The following SLC40A1 variants were observed in gnomAD, a reference collection of about 807,000 sequenced individuals.
SLC40A1 encodes the protein ferroportin.
Under a neutral mutation model 53.5 loss-of-function variants are expected in SLC40A1, and 16 were observed. The observed-to-expected ratio is 0.30, with a 90% CI of 0.20 to 0.45. The LOEUF is 0.45. Among genes scored for constraint, SLC40A1 ranks in the 20% least tolerant of loss-of-function variants. The pLI is 1.00. For synonymous variants in SLC40A1, 247 were observed against 253.2 expected, an observed-to-expected ratio of 0.98 and a Z score of 0.23; for missense variants, 545 against 695.4, an observed-to-expected ratio of 0.78 and a Z score of 2.43.
At chr2:189,564,711 A>G (rs565471143) in intron 6 of SLC40A1, among the ~76,000 whole-genome samples, 2 of 152,132 alleles carry the variant, frequency 1.3e-5, no homozygotes, top group African/African-American at 4.8e-5. Flanking sequence ...GTGGTGGTGG[A>G]TGCCTGCAAT....
intron 2 of SLC40A1, 102 bp from the exon 3 acceptor site, chr2:189,575,422 T>G: frequency 6.5e-6 from 7 of 1,075,162 alleles, no homozygotes; most frequent in Non-Finnish European, 9.9e-6. Flanking sequence ...CCTGGCTACA[T>G]TATGAGACTT....
At chr2:189,579,745 A>T in intron 2 of SLC40A1, 68 bp downstream of exon 2, 1 of 1,398,016 alleles carries the variant, frequency 7.2e-7, no homozygotes, top group South Asian at 1.2e-5. Context: ...GGCTTAATAC[A>T]ACTGGCTAGA....
At chr2:189,568,899 T>C (rs2031035774) in intron 5 of SLC40A1, among the ~76,000 whole-genome samples, 1 of 151,622 alleles carries the variant, frequency 6.6e-6, no homozygotes, top group Non-Finnish European at 1.5e-5. Context: ...TCAAAAGAAA[T>C]GGAGGAGGAA....
chr2:189,568,744 G>T (rs1373977547), intron 5 of SLC40A1, among the ~76,000 whole-genome samples: 1 of 152,126 alleles, frequency 6.6e-6, no homozygotes, highest in Non-Finnish European at 1.5e-5. Flanking sequence ...TAGCAGTTTT[G>T]TCTACTTCAT....
chr2:189,580,770 C>CT lies in SLC40A1; in HGVS notation c.-311_-310insA. On this transcript the variant is annotated 5_prime_UTR_variant, in exon 1 of 8. Transcript: ENST00000261024. ...AGCGGACGCCCTGAGCCAGCTCTCT[C>CT]CGCCGCCGCCGCCGCCGCCGTGGGC... 3.1e-6 allele frequency: 3 copies of CT among 979,886 alleles called. No homozygotes were observed. The highest frequency in any genetic ancestry group is 2.5e-6 in the Non-Finnish European group (2 of 791,630). 60.7% of individuals were successfully genotyped at this position (979,886 alleles called of 1,614,324 possible).
At chr2:189,566,637 A>G (rs907139703) in intron 5 of SLC40A1, among the ~76,000 whole-genome samples, 2 of 152,232 alleles carry the variant, frequency 1.3e-5, no homozygotes, top group Admixed American at 6.5e-5. Flanking sequence ...AACACAATTC[A>G]TCAATAGTAA....
intron 3 of SLC40A1, among the ~76,000 whole-genome samples, chr2:189,573,762 T>C (rs1284443030): frequency 6.6e-6 from 1 of 152,218 alleles, no homozygotes. Context: ...TGAAGTTCTA[T>C]ATGTAAGGGA....
rs184074232 is a variant in SLC40A1 at position 189,571,521 on chromosome 2, A to G, written c.514+194T>C. On this transcript the variant is annotated intron_variant, in intron 5 of 7. Coordinates refer to ENST00000261024, the MANE Select transcript of SLC40A1 (RefSeq NM_014585.6). ...GGATAAAAGAGAAGTTAGCTATCCT[A>G]TAAGTTAACTTCGTAACAGTGAGAT... Among the ~76,000 whole-genome samples the G allele has an allele frequency of 2.3e-3, 348 of 152,270 alleles. 1 individual carries two copies. The highest frequency in any genetic ancestry group is 7.9e-3 in the African/African-American group (328 of 41,576).
Position 189,561,645 on chromosome 2 carries a change from T to G in SLC40A1, c.*233A>C. On this transcript the variant is annotated 3_prime_UTR_variant, in exon 8 of 8. Transcript: ENST00000261024. ...GGAATTCAGTGTTATCATTATAGTC[T>G]CCGTATTTAAACTGAGTTTTTCTTT... The G allele has an allele frequency of 1.9e-6, 1 of 518,012 alleles. No individual in the cohort carries two copies. Among genetic ancestry groups the G allele is most frequent in the Non-Finnish European group, 3.5e-6 (1 of 287,554 alleles). The allele number at this position is 518,012 out of a possible 1,614,324, so 32.1% of individuals were successfully genotyped here.
In SLC40A1 at chr2:189,571,661, G is replaced by A. The variant is rs1381726885; in HGVS notation, c.514+54C>T. 11 of 1,594,858 alleles carry A rather than the reference G, an allele frequency of 6.9e-6. No homozygotes were observed. The South Asian group carries it at 9.0e-5, about 13-fold the overall frequency. Reference sequence around the variant, plus strand: ...GCTTACAGCCTCATTTATCACCACCGATTTAAAGTGAATCCTAACATGCTC... The same window carrying A: ...GCTTACAGCCTCATTTATCACCACCAATTTAAAGTGAATCCTAACATGCTC... On this transcript the variant is annotated intron_variant, in intron 5 of 7. Transcript: ENST00000261024.
At chr2:189,574,061 T>G (rs1308839152) in intron 3 of SLC40A1, among the ~76,000 whole-genome samples, 1 of 152,182 alleles carries the variant, frequency 6.6e-6, no homozygotes, top group Non-Finnish European at 1.5e-5. Flanking sequence ...GAAGAAATGG[T>G]AAATTCAGCC....
At position 189,564,073 on chromosome 2, in the gene SLC40A1, G is replaced by T. The variant is rs2030848007; in HGVS notation, c.913C>A (p.Gln305Lys). 1 of 1,611,836 alleles carries T rather than the reference G, an allele frequency of 6.2e-7. No homozygotes were observed. Among genetic ancestry groups the T allele is most frequent in the East Asian group, 2.2e-5 (1 of 44,846 alleles). Reference protein sequence around the residue: ...FRDGWVSYYNQPVFLAGMGLA... With the variant: ...FRDGWVSYYNKPVFLAGMGLA... ...CCCATGCCAGCCAGAAACACAGGCT[G>T]GTTGTAGTAGGAGACCCATCCATCT... The change falls in exon 7 of 8, where the codon CAG becomes AAG. Residue 305 changes from glutamine (Q) to lysine (K), a missense_variant. Physicochemically the swap from Gln to Lys is moderately conservative, Grantham distance 53 (BLOSUM62 1). Around this residue, in one of 4 missense-constraint regions of SLC40A1, gnomAD observed 107 missense variants for 91.0 expected, o/e 1.18. Transcript: ENST00000261024.
intron 5 of SLC40A1, among the ~76,000 whole-genome samples, chr2:189,568,960 A>G (rs1394069965): frequency 6.6e-6 from 1 of 152,266 alleles, no homozygotes; most frequent in Non-Finnish European, 1.5e-5. Flanking sequence ...GTAAGATTCA[A>G]ACGTGGCACA....
In SLC40A1 at chr2:189,580,440, G is replaced by A. The variant is rs2031424809; in HGVS notation, c.21C>T (p.His7=). The change falls in exon 1 of 8, where the codon CAC becomes CAT. Residue 7 remains histidine (H), a synonymous_variant. Transcript: ENST00000261024. The part of the protein sequence containing the change: MTRAGD[H]NRQRGCCGSL... Reference sequence around the variant, plus strand: ...CACCACAGCATCCTCTCTGGCGGTTGTGATCTCCCGCCCTGGTCATGACAC... The same window carrying A: ...CACCACAGCATCCTCTCTGGCGGTTATGATCTCCCGCCCTGGTCATGACAC... 1 of 1,613,732 alleles carries A rather than the reference G, an allele frequency of 6.2e-7. No homozygotes were observed. The highest frequency in any genetic ancestry group is 1.1e-5 in the South Asian group (1 of 91,086).
At chr2:189,572,220 T>G (rs1281102686) in intron 4 of SLC40A1, among the ~76,000 whole-genome samples, 1 of 152,214 alleles carries the variant, frequency 6.6e-6, no homozygotes, top group Non-Finnish European at 1.5e-5. Context: ...TGACACCTTC[T>G]AGTTGCATGA....
chr2:189,565,391 T>C lies in SLC40A1; in HGVS notation c.723A>G (p.Glu241=), dbSNP rs770392046. The change falls in exon 6 of 8, where the codon GAA becomes GAG. Residue 241 remains glutamate, a synonymous_variant. Coordinates refer to ENST00000261024, the MANE Select transcript of SLC40A1 (RefSeq NM_014585.6). ...PALAVKAGLK[E]EETELKQLNL... ...TCAGCTGTTTCAATTCAGTTTCCTC[T>C]TCTTTAAGACCAGCTTTCACAGCTA... The C allele has an allele frequency of 1.2e-6, 2 of 1,614,142 alleles. No homozygotes were observed. Among genetic ancestry groups the C allele is most frequent in the African/African-American group, 1.3e-5 (1 of 74,950 alleles).
chr2:189,568,480 C>T (rs2031007892), intron 5 of SLC40A1, among the ~76,000 whole-genome samples: 1 of 151,586 alleles, frequency 6.6e-6, no homozygotes, highest in Non-Finnish European at 1.5e-5. Flanking sequence ...CAAAGCGAGA[C>T]TCCGTCTCAA....
chr2:189,578,136 A>G (rs1456838542), intron 2 of SLC40A1: 3 of 870,202 alleles, frequency 3.4e-6, no homozygotes, highest in Non-Finnish European at 4.1e-6. Context: ...ACACACACAC[A>G]TAATACAGAA....
At chr2:189,573,763 A>G (rs2031207235) in intron 3 of SLC40A1, among the ~76,000 whole-genome samples, 1 of 152,222 alleles carries the variant, frequency 6.6e-6, no homozygotes, top group Non-Finnish European at 1.5e-5. Flanking sequence ...GAAGTTCTAT[A>G]TGTAAGGGAT....
Sources: allele counts gnomAD v4.1 joint callset (sites outside exome capture counted in the v4.1 genomes callset), GRCh38; gene constraint gnomAD v4.1.1; regional missense constraint gnomAD v4.1.1; transcripts MANE v1.5; gene names NCBI Gene and HGNC (gene_info 2026-07-23, HGNC 2026-07-21).